Variants in AHI1 observed in about 807,000 individuals in gnomAD.
The protein encoded by AHI1 is Abelson helper integration site 1, also known as jouberin.
In AHI1, 123 loss-of-function variants were observed where a neutral mutation model predicts 149.3. That is an observed-to-expected ratio of 0.82 (90% CI 0.71 to 0.96). The LOEUF is 0.96. Ranked by LOEUF, AHI1 falls within the 40% of genes least tolerant of loss-of-function variation. AHI1 has a pLI of 0.00. For synonymous variants in AHI1, 475 were observed against 459.8 expected (o/e 1.03, Z -0.42); for missense variants, 1,439 against 1,422.7 (o/e 1.01, Z -0.18).
At chr6:135,389,455 G>C (rs1352164826) in intron 23 of AHI1, among the ~76,000 whole-genome samples, 4 of 152,094 alleles carry the variant, frequency 2.6e-5, no homozygotes, top group Non-Finnish European at 5.9e-5. Flanking sequence ...TCACTGTGAA[G>C]GAAAATAGGA....
chr6:135,411,206 G>A (rs1478641639), intron 21 of AHI1, 142 bp downstream of exon 21: 2 of 774,726 alleles, frequency 2.6e-6, no homozygotes, highest in African/African-American at 3.5e-5. Context: ...TTAGGAATAA[G>A]TACCTGAAAG....
At chr6:135,314,577 G>T (rs1262697928) in intron 26 of AHI1, among the ~76,000 whole-genome samples, 1 of 152,150 alleles carries the variant, frequency 6.6e-6, no homozygotes, top group African/African-American at 2.4e-5. Context: ...CCTCTTGACT[G>T]TATCCCTTAC....
At chr6:135,381,858 G>T (rs1776810828) in intron 23 of AHI1, among the ~76,000 whole-genome samples, 1 of 152,168 alleles carries the variant, frequency 6.6e-6, no homozygotes, top group Non-Finnish European at 1.5e-5. Flanking sequence ...GCAGTGCTTG[G>T]CAGAGTCTCT....
intron 24 of AHI1, among the ~76,000 whole-genome samples, chr6:135,326,164 C>T (rs1787650144): frequency 6.6e-6 from 1 of 152,192 alleles, no homozygotes; most frequent in Non-Finnish European, 1.5e-5. Flanking sequence ...AATTGTGTCA[C>T]TCAAAATTCA....
chr6:135,349,004 A>T (rs1333704718), intron 24 of AHI1, among the ~76,000 whole-genome samples: 1 of 152,204 alleles, frequency 6.6e-6, no homozygotes, highest in Non-Finnish European at 1.5e-5. Flanking sequence ...TCTTTAAAAC[A>T]TCAAGGAGTT....
intron 28 of AHI1, 69 bp downstream of exon 28, chr6:135,290,354 C>G: frequency 1.0e-6 from 1 of 955,872 alleles, no homozygotes; most frequent in South Asian, 1.4e-5. Flanking sequence ...TTTGTCCTTG[C>G]TGACCATGCT....
intron 24 of AHI1, among the ~76,000 whole-genome samples, chr6:135,338,072 T>C (rs1047772126): frequency 1.3e-5 from 2 of 151,656 alleles, no homozygotes; most frequent in African/African-American, 2.4e-5. Flanking sequence ...CCGAGGTGGG[T>C]GGATCACCTG....
intron 15 of AHI1, among the ~76,000 whole-genome samples, chr6:135,437,044 CTT>C (rs1246742980): frequency 1.3e-5 from 2 of 152,140 alleles, no homozygotes; most frequent in African/African-American, 4.8e-5. Flanking sequence ...TCACGTGCCT[CTT>C]TGTTAAAAGA....
intron 5 of AHI1, among the ~76,000 whole-genome samples, chr6:135,489,457 T>C (rs79112505): frequency 0.014 from 2,107 of 152,286 alleles, 62 homozygotes; most frequent in African/African-American, 0.048. Flanking sequence ...GCATAAAACA[T>C]CTCTGCAGAC....
chr6:135,373,230 T>A (rs1463960555), intron 23 of AHI1, among the ~76,000 whole-genome samples: 1 of 152,214 alleles, frequency 6.6e-6, no homozygotes, highest in Admixed American at 6.5e-5. Context: ...AATACTGCAT[T>A]TTGCTGTACC....
intron 23 of AHI1, among the ~76,000 whole-genome samples, chr6:135,386,654 G>C (rs1777636895): frequency 6.6e-6 from 1 of 151,608 alleles, no homozygotes; most frequent in Non-Finnish European, 1.5e-5. Context: ...TTTTGAGACG[G>C]AGTTTTGCTC....
At chr6:135,439,182 C>T (rs1450269106) in intron 14 of AHI1, among the ~76,000 whole-genome samples, 5 of 152,198 alleles carry the variant, frequency 3.3e-5, no homozygotes, top group African/African-American at 1.2e-4. Context: ...TGCAGTTTCA[C>T]CTTCTGTGGT....
At chr6:135,446,439 A>C (rs1787225923) in intron 13 of AHI1, among the ~76,000 whole-genome samples, 2 of 152,322 alleles carry the variant, frequency 1.3e-5, no homozygotes, top group Middle Eastern at 3.4e-3. Context: ...TATGCACTGA[A>C]TGCTATGTCC....
chr6:135,328,792 G>A (rs978339712), intron 24 of AHI1, among the ~76,000 whole-genome samples: 12 of 152,140 alleles, frequency 7.9e-5, no homozygotes, highest in Non-Finnish European at 7.4e-5. Flanking sequence ...CTGGCATTTT[G>A]TGCCAAACAG....
At chr6:135,405,327 C>G (rs1039265449) in intron 21 of AHI1, among the ~76,000 whole-genome samples, 1 of 152,074 alleles carries the variant, frequency 6.6e-6, no homozygotes, top group Non-Finnish European at 1.5e-5. Context: ...ATAATTATCT[C>G]TATAAATAAT....
chr6:135,433,130 C>T lies in AHI1; in HGVS notation c.2163G>A (p.Met721Ile). 2 of 1,613,138 alleles carry T rather than the reference C, an allele frequency of 1.2e-6. No homozygotes were observed. Among genetic ancestry groups the T allele is most frequent in the Non-Finnish European group, 1.7e-6 (2 of 1,179,228 alleles). ...TCATCTCAACTTTCCATATCCGTAT[C>T]ATGGAATCATAGCATCCTGTAACTA... ...ELVVTGCYDS[M>I]IRIWKVEMRE... The change falls in exon 16 of 29, where the codon ATG becomes ATA. Residue 721 changes from methionine (M) to isoleucine (I), a missense_variant. Transcript: ENST00000265602.
chr6:135,458,264 T>A (rs1242854146), intron 8 of AHI1, among the ~76,000 whole-genome samples: 2 of 152,190 alleles, frequency 1.3e-5, no homozygotes, highest in African/African-American at 4.8e-5. Flanking sequence ...ATTTGCTGAT[T>A]CAGGGTGTGA....
chr6:135,373,484 A>T (rs1775373134), intron 23 of AHI1, among the ~76,000 whole-genome samples: 1 of 152,228 alleles, frequency 6.6e-6, no homozygotes, highest in Admixed American at 6.5e-5. Context: ...GCGTGACTAT[A>T]CTTAAACATT....
At chr6:135,470,680 C>G (rs919422573) in intron 5 of AHI1, among the ~76,000 whole-genome samples, 1 of 151,642 alleles carries the variant, frequency 6.6e-6, no homozygotes, top group Admixed American at 6.6e-5. Flanking sequence ...ATGGATAAAA[C>G]GCAGGAACAG....
Sources: allele counts gnomAD v4.1 joint callset (sites outside exome capture counted in the v4.1 genomes callset), GRCh38; gene constraint gnomAD v4.1.1; transcripts MANE v1.5; gene names NCBI Gene and HGNC (gene_info 2026-07-23, HGNC 2026-07-21).